HSD3B7: variants seen among roughly 807,000 people sequenced by gnomAD.
The protein encoded by HSD3B7 is 3 beta-hydroxysteroid dehydrogenase type 7.
In HSD3B7, 35 loss-of-function variants were observed where a neutral mutation model predicts 34.3. The observed-to-expected ratio is 1.02, with a 90% CI of 0.78 to 1.35. HSD3B7 has a LOEUF of 1.35. Ranked by LOEUF, HSD3B7 falls within the 40% of genes most tolerant of loss-of-function variation. HSD3B7 has a pLI of 0.00. For synonymous variants in HSD3B7, 217 were observed against 220.1 expected (o/e 0.99, Z 0.13); for missense variants, 426 against 504.7 (o/e 0.84, Z 1.49).
chr16:30,988,286 C>A lies in HSD3B7; in HGVS notation c.*103C>A. ...GACAGCTGCATTCCAGAGCAGGAGG[C>A]AGGGCTCTGGGGCCAGAATGGCTGT... is the stretch of plus-strand genomic sequence containing the variant. On this transcript the variant is annotated 3_prime_UTR_variant, in exon 7 of 7. Coordinates refer to ENST00000297679, the MANE Select transcript of HSD3B7 (RefSeq NM_025193.4). The A allele has an allele frequency of 8.6e-7, 1 of 1,166,718 alleles. No individual in the cohort carries two copies. Among genetic ancestry groups the A allele is most frequent in the South Asian group, 1.4e-5 (1 of 70,592 alleles). The allele number at this position is 1,166,718 out of a possible 1,614,324, so 72.3% of individuals were successfully genotyped here.
Position 30,987,615 on chromosome 16 carries a change from A to G in HSD3B7, c.695-153A>G, listed in dbSNP as rs2056502567. 3 of 827,450 alleles carry G rather than the reference A, an allele frequency of 3.6e-6. No homozygotes were observed. The African/African-American group carries it at 5.0e-5, about 14-fold the overall frequency. The allele number at this position is 827,450 out of a possible 1,614,324, so 51.3% of individuals were successfully genotyped here. A position where few individuals can be genotyped will look rare whatever the true frequency, so the allele number is the denominator to read the frequency against. ...TGGCCCAGGAGAGCAAGTGACTACC[A>G]GGGCGAGGGAGAAGGCAGCCTTTCC... On this transcript the variant is annotated intron_variant, in intron 6 of 6. Transcript: ENST00000297679.
chr16:30,986,289 GACA>G, intron 3 of HSD3B7, 85 bp downstream of exon 3: 1 of 1,571,454 alleles, frequency 6.4e-7, no homozygotes, highest in Non-Finnish European at 8.7e-7. Context: ...ACTCCCCTGG[GACA>G]AGTTGTCCTA....
rs776887216 is a variant in HSD3B7, at chr16:30,986,586, T to A, written c.432-19T>A. On this transcript the variant is annotated intron_variant, in intron 4 of 6. Transcript: ENST00000297679. ...AGCCCATTTCCCTCAGCATTGAGTCTTCCTTCTCCTCCCACCAGGGGCAAC... is the reference window on the plus strand; with the variant it reads ...AGCCCATTTCCCTCAGCATTGAGTCATCCTTCTCCTCCCACCAGGGGCAAC... 1 of 1,613,652 alleles carries A rather than the reference T, an allele frequency of 6.2e-7. No individual in the cohort carries two copies. The highest frequency in any genetic ancestry group is 1.3e-5 in the African/African-American group (1 of 74,928).
Position 30,986,198 on chromosome 16 carries a change from G to A in HSD3B7, c.316G>A (p.Val106Met), listed in dbSNP as rs781507239. Residue 106 changes from valine (V) to methionine (M), a missense_variant, in exon 3 of 7, where the codon GTG becomes ATG. Physicochemically the swap from Val to Met is conservative, Grantham distance 21 (BLOSUM62 1). Transcript: ENST00000297679. ...ASPKTIHEVNVQGTRNVIEAC... is the reference protein window; with the variant it reads ...ASPKTIHEVNMQGTRNVIEAC... ...TCCCAAGACCATCCATGAGGTCAAC[G>A]TGCAGGGTGAGGAGCTCTGGACACT... 9.9e-6 allele frequency: 16 copies of A among 1,613,800 alleles called. No individual in the cohort carries two copies. Among genetic ancestry groups the A allele is most frequent in the Admixed American group, 8.3e-5 (5 of 59,982 alleles).
rs17849880 is a variant in HSD3B7 at position 30,987,877 on chromosome 16, C to T, written c.804C>T (p.Tyr268=). The change falls in exon 7 of 7, where the codon TAC becomes TAT. Residue 268 remains tyrosine (Y), a synonymous_variant. Coordinates refer to ENST00000297679, the MANE Select transcript of HSD3B7 (RefSeq NM_025193.4). Reference sequence around the variant, plus strand: ...ACGATGGATCACCCTACAGGAGCTACGAGGATTTCAACATGGAGTTCCTGG... The same window carrying T: ...ACGATGGATCACCCTACAGGAGCTATGAGGATTTCAACATGGAGTTCCTGG... The part of the protein sequence containing the change: ...FCYDGSPYRS[Y]EDFNMEFLGP... 0.094 allele frequency: 151,652 copies of T among 1,613,850 alleles called. 8,129 individuals are homozygous for T. Among genetic ancestry groups the T allele is most frequent in the Non-Finnish European group, 0.11 (132,092 of 1,179,970 alleles).
At chr16:30,987,625 A>G in intron 6 of HSD3B7, 143 bp from the exon 7 acceptor site, 1 of 912,078 alleles carries the variant, frequency 1.1e-6, no homozygotes, top group Non-Finnish European at 1.8e-6. Flanking sequence ...AGGGCGAGGG[A>G]GAAGGCAGCC....
At chr16:30,987,490 G>C (rs940465638) in intron 6 of HSD3B7, 1 of 553,368 alleles carries the variant, frequency 1.8e-6, no homozygotes, top group Admixed American at 3.1e-5. Flanking sequence ...AGGGAATAAG[G>C]TCACCTGCCA....
At position 30,987,833 on chromosome 16, in the gene HSD3B7, G is replaced by T; in HGVS notation, c.760G>T (p.Gly254Cys). 1 of 1,613,406 alleles carries T rather than the reference G, an allele frequency of 6.2e-7. No homozygotes were observed. Among genetic ancestry groups the T allele is most frequent in the Non-Finnish European group, 8.5e-7 (1 of 1,179,926 alleles). The change falls in exon 7 of 7, where the codon GGC (glycine) becomes TGC (cysteine). Residue 254 changes from glycine (G) to cysteine (C), a missense_variant. Physicochemically the swap from Gly to Cys is radical, Grantham distance 159. Transcript: ENST00000297679. ...ELEQRATLMG[G>C]QVYFCYDGSP... ...GGAGCAGCGGGCAACCCTGATGGGC[G>T]GCCAGGTATACTTCTGCTACGATGG... is the stretch of plus-strand genomic sequence containing the variant.
In HSD3B7 at chr16:30,985,636, C is replaced by A; in HGVS notation, c.-6-17C>A. 1 of 1,593,208 alleles carries A rather than the reference C, an allele frequency of 6.3e-7. No homozygotes were observed. Among genetic ancestry groups the A allele is most frequent in the South Asian group, 1.1e-5 (1 of 88,460 alleles). On this transcript the variant is annotated splice_polypyrimidine_tract_variant and intron_variant, in intron 1 of 6. Coordinates refer to ENST00000297679, the MANE Select transcript of HSD3B7 (RefSeq NM_025193.4). ...GGTGGCAGCCAGCCCCTGGATGAGC[C>A]AAGGTCTCTTCCCCAGCCAGGCATG...
Position 30,988,358 on chromosome 16 carries a change from G to T in HSD3B7, c.*175G>T. The T allele has an allele frequency of 1.6e-6, 1 of 639,162 alleles. No homozygotes were observed. 39.6% of individuals were successfully genotyped at this position (639,162 alleles called of 1,614,324 possible). A position where few individuals can be genotyped will look rare whatever the true frequency, so the allele number is the denominator to read the frequency against. On this transcript the variant is annotated 3_prime_UTR_variant, in exon 7 of 7. Transcript: ENST00000297679. ...ATTTTCTTTTTCTTTTTTGAGACAGGGTCTTGCTCTGTCACCCAGACTGGA... is the reference window on the plus strand; with the variant it reads ...ATTTTCTTTTTCTTTTTTGAGACAGTGTCTTGCTCTGTCACCCAGACTGGA...
At chr16:30,987,330 C>T (rs2056497313) in intron 6 of HSD3B7, 2 of 436,734 alleles carry the variant, frequency 4.6e-6, no homozygotes, top group East Asian at 4.5e-5. Flanking sequence ...ATCTATAATC[C>T]CAGCACTTTA....
In HSD3B7 at chr16:30,988,302, G is replaced by A. The variant is rs1435830095; in HGVS notation, c.*119G>A. On this transcript the variant is annotated 3_prime_UTR_variant, in exon 7 of 7. Transcript: ENST00000297679. ...AGCAGGAGGCAGGGCTCTGGGGCCA[G>A]AATGGCTGTCCTTGTCGTAGAGCCC... is the stretch of plus-strand genomic sequence containing the variant. 7 of 954,868 alleles carry A rather than the reference G, an allele frequency of 7.3e-6. No homozygotes were observed. Among genetic ancestry groups the A allele is most frequent in the Non-Finnish European group, 1.1e-5 (7 of 649,612 alleles). The allele number at this position is 954,868 out of a possible 1,614,324, so 59.1% of individuals were successfully genotyped here.
chr16:30,988,153 G>T lies in HSD3B7; in HGVS notation c.1080G>T (p.Trp360Cys). 1 of 1,604,768 alleles carries T rather than the reference G, an allele frequency of 6.2e-7. No individual in the cohort carries two copies. Residue 360 changes from tryptophan (W) to cysteine (C), a missense_variant, in exon 7 of 7, where the codon TGG (tryptophan) becomes TGT (cysteine). Physicochemically the swap from Trp to Cys is radical, Grantham distance 215 (BLOSUM62 -2). Transcript: ENST00000297679. ...ATAGCCGGACCCGTACCATTCTCTGGGTACAGGCCGCTACGGGTTCAGCCC... is the reference window on the plus strand; with the variant it reads ...ATAGCCGGACCCGTACCATTCTCTGTGTACAGGCCGCTACGGGTTCAGCCC... The part of the protein sequence containing the change: ...WEDSRTRTIL[W>C]VQAATGSAQ
rs1489380772 is a variant in HSD3B7 at position 30,988,892 on chromosome 16, G to A, written c.*709G>A. On this transcript the variant is annotated 3_prime_UTR_variant, in exon 7 of 7. Transcript: ENST00000297679. The stretch of plus-strand genomic sequence containing the variant: ...TCCTGACAGCCACACGCGACCCTCG[G>A]TGCAGAGTGCAGAGGCGGCTCTGGT... 1 of 152,378 alleles carries A rather than the reference G, an allele frequency of 6.6e-6. No individual in the cohort carries two copies. The highest frequency in any genetic ancestry group is 1.9e-4 in the East Asian group (1 of 5,188). 9.4% of individuals were successfully genotyped at this position (152,378 alleles called of 1,614,324 possible).
intron 6 of HSD3B7, chr16:30,987,464 G>A (rs1168262853): frequency 2.1e-5 from 10 of 483,062 alleles, no homozygotes; most frequent in Non-Finnish European, 3.0e-5. Flanking sequence ...TTTTTTAAAG[G>A]AAGTAGCATC....
In HSD3B7 at chr16:30,986,997, A is replaced by G. The variant is rs1020519659; in HGVS notation, c.689A>G (p.Tyr230Cys). 9 of 1,610,458 alleles carry G rather than the reference A, an allele frequency of 5.6e-6. No homozygotes were observed. The South Asian group carries it at 7.7e-5, about 14-fold the overall frequency. Reference protein sequence around the residue: ...IPASVEHGRVYVGNVAWMHVL... With the variant: ...IPASVEHGRVCVGNVAWMHVL... ...GCCTCTGTGGAGCATGGCCGGGTCT[A>G]TGTGGGTGAGGACTGGGCTAGGCAG... The change falls in exon 6 of 7, where the codon TAT becomes TGT. Residue 230 changes from tyrosine to cysteine, a missense_variant. Physicochemically the swap from Tyr to Cys is radical, Grantham distance 194. Transcript: ENST00000297679.
chr16:30,987,578 G>A (rs1018980850), intron 6 of HSD3B7, 190 bp from the exon 7 acceptor site: 2 of 662,564 alleles, frequency 3.0e-6, no homozygotes, highest in African/African-American at 3.6e-5. Context: ...CAGGTTCTTT[G>A]CAGATGCAGG....
rs2056508209 is a variant in HSD3B7 at position 30,987,871 on chromosome 16, G to A, written c.798G>A (p.Arg266=). Residue 266 remains arginine, a synonymous_variant, in exon 7 of 7, where the codon AGG becomes AGA. Transcript: ENST00000297679. ...VYFCYDGSPY[R]SYEDFNMEFL... is the part of the protein sequence containing the mutation. Reference sequence around the variant, plus strand: ...TCTGCTACGATGGATCACCCTACAGGAGCTACGAGGATTTCAACATGGAGT... The same window carrying A: ...TCTGCTACGATGGATCACCCTACAGAAGCTACGAGGATTTCAACATGGAGT... 1 of 1,613,832 alleles carries A rather than the reference G, an allele frequency of 6.2e-7. No homozygotes were observed. Among genetic ancestry groups the A allele is most frequent in the Non-Finnish European group, 8.5e-7 (1 of 1,179,992 alleles).
intron 5 of HSD3B7, 60 bp from the exon 6 acceptor site, chr16:30,986,780 C>T (rs1345669011): frequency 2.2e-5 from 35 of 1,612,490 alleles, no homozygotes; most frequent in Non-Finnish European, 3.0e-5. Flanking sequence ...CCCAAGGAGG[C>T]CGGGGCCGAG....
Sources: allele counts gnomAD v4.1 joint callset, GRCh38; gene constraint gnomAD v4.1.1; transcripts MANE v1.5; gene names NCBI Gene and HGNC (gene_info 2026-07-23, HGNC 2026-07-21).